ASCC1: variants seen among roughly 807,000 people sequenced by gnomAD.
The protein encoded by ASCC1 is ASC-1 complex subunit P50.
In ASCC1, 35 loss-of-function variants were observed where a neutral mutation model predicts 46.6. The ratio of observed to expected loss-of-function variants is 0.75; its 90% CI spans 0.57 to 0.99. The LOEUF (loss-of-function observed/expected upper bound fraction) is 0.99. Among genes scored for constraint, ASCC1 ranks in the 50% least tolerant of loss-of-function variants. ASCC1 has a pLI of 0.00. For synonymous variants in ASCC1, 143 were observed against 146.6 expected (o/e 0.98, Z 0.18); for missense variants, 376 against 428.7 (o/e 0.88, Z 1.09).
At chr10:72,150,443 C>A (rs1233594613) in intron 7 of ASCC1, among the ~76,000 whole-genome samples, 1 of 152,098 alleles carries the variant, frequency 6.6e-6, no homozygotes, top group African/African-American at 2.4e-5. Context: ...CTTCTTCTAC[C>A]CTGCCCTAAA....
At chr10:72,154,492 G>C (rs918073381) in intron 6 of ASCC1, among the ~76,000 whole-genome samples, 2 of 150,700 alleles carry the variant, frequency 1.3e-5, no homozygotes, top group African/African-American at 2.5e-5. Flanking sequence ...TTATGCATAG[G>C]GTTTTTTTTT....
chr10:72,118,309 G>T lies in ASCC1; in HGVS notation c.957+9773C>A, dbSNP rs189465136. Reference sequence around the variant, plus strand: ...GTGAACCCGGGAGGCAGAGCTTGCAGTGAGCCAAGATCGTGCCACTGCACT... The same window carrying T: ...GTGAACCCGGGAGGCAGAGCTTGCATTGAGCCAAGATCGTGCCACTGCACT... On this transcript the variant is annotated intron_variant, in intron 9 of 9. Coordinates refer to ENST00000672957, the MANE Select transcript of ASCC1 (RefSeq NM_001198800.3). Among the ~76,000 whole-genome samples, 389 of 151,568 alleles carry T rather than the reference G, an allele frequency of 2.6e-3. 3 individuals are homozygous for T. The highest frequency in any genetic ancestry group is 8.8e-3 in the African/African-American group (362 of 41,268).
Position 72,203,463 on chromosome 10 carries a change from T to G in ASCC1, c.274A>C (p.Ile92Leu). 1 of 1,613,666 alleles carries G rather than the reference T, an allele frequency of 6.2e-7. No homozygotes were observed. Among genetic ancestry groups the G allele is most frequent in the Non-Finnish European group, 8.5e-7 (1 of 1,179,674 alleles). The change falls in exon 4 of 10, where the codon ATT becomes CTT. Residue 92 changes from isoleucine to leucine, a missense_variant. By Grantham distance (5) the Ile-to-Leu change is conservative. Coordinates refer to ENST00000672957, the MANE Select transcript of ASCC1 (RefSeq NM_001198800.3). ...KKIEMETKTS[I>L]SIPKPGQDGE... ...TCTTGTCCAGGTTTAGGAATGCTAA[T>G]AGAAGTTTTGGTCTCCATTTCTATT...
intron 3 of ASCC1, among the ~76,000 whole-genome samples, chr10:72,209,408 G>A (rs563277288): frequency 3.3e-5 from 5 of 152,056 alleles, no homozygotes; most frequent in African/African-American, 9.6e-5. Flanking sequence ...CTTTACCCCG[G>A]GCAGTCAAGG....
chr10:72,154,485 T>C (rs1178442059), intron 6 of ASCC1, among the ~76,000 whole-genome samples: 1 of 151,252 alleles, frequency 6.6e-6, no homozygotes, highest in East Asian at 1.9e-4. Context: ...AAATAATTTA[T>C]GCATAGGGTT....
At chr10:72,117,484 GCT>G (rs1288443118) in intron 9 of ASCC1, among the ~76,000 whole-genome samples, 1 of 152,052 alleles carries the variant, frequency 6.6e-6, no homozygotes, top group Admixed American at 6.5e-5. Context: ...GATTGAGAAC[GCT>G]CTTTGTCATA....
At chr10:72,167,802 A>C (rs1039036904) in intron 5 of ASCC1, among the ~76,000 whole-genome samples, 1 of 151,676 alleles carries the variant, frequency 6.6e-6, no homozygotes, top group Non-Finnish European at 1.5e-5. Context: ...CACCTAGCTA[A>C]TTTTTTTTAA....
intron 9 of ASCC1, among the ~76,000 whole-genome samples, chr10:72,118,432 G>A (rs571493272): frequency 4.6e-5 from 7 of 150,852 alleles, no homozygotes; most frequent in South Asian, 2.1e-4. Context: ...ATATTGAATC[G>A]AATAATAAAA....
chr10:72,137,156 C>A (rs57555911), intron 7 of ASCC1, among the ~76,000 whole-genome samples: 1,769 of 151,962 alleles, frequency 0.012, 26 homozygotes, highest in African/African-American at 0.04. Flanking sequence ...CCTCAAGCGA[C>A]CTTCCCTCCT....
At position 72,163,591 on chromosome 10, in the gene ASCC1, C is replaced by T. The variant is rs945102634; in HGVS notation, c.490-1917G>A. Among the ~76,000 whole-genome samples, 6 of 151,898 alleles carry T rather than the reference C, an allele frequency of 4.0e-5. 1 individual carries two copies. Among genetic ancestry groups the T allele is most frequent in the Middle Eastern group, 6.8e-3 (2 of 294 alleles). ...CTCTACTAAAAATACAAAAATTAGC[C>T]GGGTGTGGTGGTGTGTGCCTGTAAT... On this transcript the variant is annotated intron_variant, in intron 5 of 9. Coordinates refer to ENST00000672957, the MANE Select transcript of ASCC1 (RefSeq NM_001198800.3).
intron 5 of ASCC1, among the ~76,000 whole-genome samples, chr10:72,172,720 AT>A (rs1267373243): frequency 1.7e-4 from 23 of 137,480 alleles, no homozygotes; most frequent in African/African-American, 5.3e-4. Flanking sequence ...TATATATAAT[AT>A]TTTTATATTA....
chr10:72,132,229 G>C, intron 8 of ASCC1, among the ~76,000 whole-genome samples: 1 of 152,180 alleles, frequency 6.6e-6, no homozygotes, highest in Non-Finnish European at 1.5e-5. Context: ...ACCGGAATAC[G>C]TGACCTTGGT....
At chr10:72,205,849 G>T (rs73275002) in intron 3 of ASCC1, among the ~76,000 whole-genome samples, 11,921 of 151,818 alleles carry the variant, frequency 0.079, 1,247 homozygotes, top group African/African-American at 0.23. Flanking sequence ...GGTGTCTCAC[G>T]CCTGTAATCC....
Position 72,128,154 on chromosome 10 carries a change from G to A in ASCC1, c.885C>T (p.Tyr295=), listed in dbSNP as rs1369466069. 3.7e-6 allele frequency: 6 copies of A among 1,613,056 alleles called. No individual in the cohort carries two copies. In the South Asian group the frequency reaches 6.6e-5, roughly 18 times the overall value. The stretch of plus-strand genomic sequence containing the variant: ...ATTTGCCTTCCGCTGTGTAGAGATT[G>A]TACCTGCCTTCAGCTGTAAATATTC... ...FRKDPNAEGR[Y]NLYTAEGKYI... The change falls in exon 9 of 10, where the codon TAC becomes TAT. Residue 295 remains tyrosine (Y), a synonymous_variant. Coordinates refer to ENST00000672957, the MANE Select transcript of ASCC1 (RefSeq NM_001198800.3).
At chr10:72,211,674 T>C (rs1858144707) in intron 2 of ASCC1, among the ~76,000 whole-genome samples, 1 of 151,820 alleles carries the variant, frequency 6.6e-6, no homozygotes, top group Non-Finnish European at 1.5e-5. Flanking sequence ...ATATAAAAAA[T>C]TAGCCAGGCA....
intron 7 of ASCC1, among the ~76,000 whole-genome samples, chr10:72,137,725 C>T (rs1846428953): frequency 6.6e-6 from 1 of 152,028 alleles, no homozygotes; most frequent in Non-Finnish European, 1.5e-5. Context: ...ATAACCTCAC[C>T]ACGCAGATAA....
intron 9 of ASCC1, among the ~76,000 whole-genome samples, chr10:72,104,095 C>T (rs1381232167): frequency 6.6e-6 from 1 of 152,096 alleles, no homozygotes; most frequent in Non-Finnish European, 1.5e-5. Flanking sequence ...TCCTCTCCTA[C>T]AAAATAAAGG....
intron 8 of ASCC1, among the ~76,000 whole-genome samples, chr10:72,132,562 C>T (rs939360215): frequency 9.2e-5 from 14 of 152,092 alleles, no homozygotes; most frequent in Admixed American, 4.6e-4. Context: ...GAGTGTTAGA[C>T]AGCACCCACT....
intron 9 of ASCC1, among the ~76,000 whole-genome samples, chr10:72,100,573 A>T (rs192080727): frequency 2.8e-3 from 433 of 152,002 alleles, no homozygotes; most frequent in Non-Finnish European, 5.2e-3. Context: ...TTATTTTCTT[A>T]ATAGAGACAG....
Sources: allele counts gnomAD v4.1 joint callset (sites outside exome capture counted in the v4.1 genomes callset), GRCh38; gene constraint gnomAD v4.1.1; transcripts MANE v1.5; gene names NCBI Gene and HGNC (gene_info 2026-07-23, HGNC 2026-07-21).